Variants in PCCA observed in about 807,000 individuals in gnomAD.
PCCA encodes the protein propionyl-CoA carboxylase alpha chain, mitochondrial.
Under a neutral mutation model 101.3 loss-of-function variants are expected in PCCA, and 74 were observed. The observed-to-expected ratio is 0.73, with a 90% CI of 0.61 to 0.89. PCCA has a LOEUF of 0.89. Ranked by LOEUF, PCCA falls within the 40% of genes least tolerant of loss-of-function variation. The probability of loss-of-function intolerance (pLI) is 0.00; values close to 1 mark genes in which losing one functional copy is unlikely to be tolerated. For missense variants in PCCA, 891 were observed against 907.0 expected (o/e 0.98, Z 0.23); for synonymous variants, 294 against 313.6 (o/e 0.94, Z 0.66).
At chr13:100,405,893 A>G (rs1027890832) in intron 19 of PCCA, among the ~76,000 whole-genome samples, 1 of 149,356 alleles carries the variant, frequency 6.7e-6, no homozygotes, top group Non-Finnish European at 1.5e-5. Flanking sequence ...CAGCCTCCCG[A>G]GTAGCTGGAA....
intron 17 of PCCA, among the ~76,000 whole-genome samples, chr13:100,336,632 A>C (rs1382904063): frequency 2.0e-5 from 3 of 152,204 alleles, no homozygotes; most frequent in African/African-American, 4.8e-5. Context: ...TTCAGTCACA[A>C]ATACTTATAG....
At chr13:100,204,147 C>A (rs893095985) in intron 6 of PCCA, among the ~76,000 whole-genome samples, 1 of 127,398 alleles carries the variant, frequency 7.8e-6, no homozygotes, top group Admixed American at 8.0e-5. Context: ...TTTTTTTTTT[C>A]GAGACAGGGT....
chr13:100,246,964 A>G (rs1044719727), intron 8 of PCCA, among the ~76,000 whole-genome samples: 1 of 150,962 alleles, frequency 6.6e-6, no homozygotes, highest in Non-Finnish European at 1.5e-5. Context: ...GCTAGAGTGC[A>G]ATGGTGCGAT....
intron 20 of PCCA, among the ~76,000 whole-genome samples, chr13:100,440,522 A>G (rs1007152462): frequency 6.6e-6 from 1 of 151,892 alleles, no homozygotes; most frequent in Non-Finnish European, 1.5e-5. Context: ...TTTAATCCTA[A>G]TAACTGTTTA....
chr13:100,524,057 C>T (rs898030561), intron 22 of PCCA, among the ~76,000 whole-genome samples: 6 of 152,206 alleles, frequency 3.9e-5, no homozygotes, highest in African/African-American at 1.4e-4. Flanking sequence ...GCCCAGCTCC[C>T]TGGTGTACCC....
At chr13:100,090,373 T>C in intron 1 of PCCA, among the ~76,000 whole-genome samples, 1 of 152,224 alleles carries the variant, frequency 6.6e-6, no homozygotes. Flanking sequence ...ATTCTGTTCA[T>C]CTGTGTTGGC....
At chr13:100,256,605 T>C (rs928238580) in intron 8 of PCCA, among the ~76,000 whole-genome samples, 2 of 152,138 alleles carry the variant, frequency 1.3e-5, no homozygotes, top group Non-Finnish European at 2.9e-5. Context: ...AAGAGTGATG[T>C]TTTGTGGTTT....
At chr13:100,445,498 G>C (rs1209317033) in intron 20 of PCCA, among the ~76,000 whole-genome samples, 4 of 152,050 alleles carry the variant, frequency 2.6e-5, no homozygotes, top group African/African-American at 9.7e-5. Flanking sequence ...ATTAACTGTG[G>C]TTTCTATATT....
rs1387421310 is a variant in PCCA, at chr13:100,096,772, A to AACATT, written c.106-6110_106-6106dup. Among the ~76,000 whole-genome samples, 3 of 152,378 alleles carry AACATT rather than the reference A, an allele frequency of 2.0e-5. No homozygotes were observed. The East Asian group carries it at 5.8e-4, about 29-fold the overall frequency. ...TTGGATAGAAGATCAAACCAGCCAC[A>AACATT]ACATTTCCTTAAGCCATAGCCTAAT... On this transcript the variant is annotated intron_variant, in intron 1 of 23. Transcript: ENST00000376285.
chr13:100,343,417 A>C (rs1374279384), intron 18 of PCCA, among the ~76,000 whole-genome samples: 1 of 152,242 alleles, frequency 6.6e-6, no homozygotes, highest in East Asian at 1.9e-4. Flanking sequence ...TGGCATATCC[A>C]TACTATGAGC....
chr13:100,530,156 AG>A lies in PCCA; in HGVS notation c.2178del (p.Glu726AspfsTer27). ...GTTGGAGAAGGGGATCTGCTCGTGG[AG>A]CTGGAATGAAGGATTTATAACCTTT... Reference protein sequence around the residue: ...DTVGEGDLLVELE With the variant: ...DTVGEGDLLVXLE On this transcript the variant is annotated frameshift_variant, in exon 24 of 24. Transcript: ENST00000376285. LOFTEE classifies it high-confidence loss of function. 6.2e-7 allele frequency: 1 copy of A among 1,613,352 alleles called. No homozygotes were observed. The highest frequency in any genetic ancestry group is 8.5e-7 in the Non-Finnish European group (1 of 1,179,268).
intron 18 of PCCA, among the ~76,000 whole-genome samples, chr13:100,351,420 C>T (rs1191873011): frequency 1.3e-5 from 2 of 151,962 alleles, no homozygotes; most frequent in African/African-American, 4.8e-5. Context: ...TTTGATTTTT[C>T]AGTATAATGC....
intron 12 of PCCA, among the ~76,000 whole-genome samples, chr13:100,289,556 A>G: frequency 6.6e-6 from 1 of 151,360 alleles, no homozygotes; most frequent in Non-Finnish European, 1.5e-5. Context: ...ATATTTAAAA[A>G]TTTTTTTTCT....
rs1368323340 is a variant in PCCA at position 100,089,338 on chromosome 13, C to T, written c.105+113C>T. 3.9e-6 allele frequency: 5 copies of T among 1,290,632 alleles called. No homozygotes were observed. The Admixed American group carries it at 1.2e-4, about 31-fold the overall frequency. The allele number at this position is 1,290,632 out of a possible 1,614,324, so 79.9% of individuals were successfully genotyped here. A position where few individuals can be genotyped will look rare whatever the true frequency, so the allele number is the denominator to read the frequency against. ...GCTGGGTCCGGCTGCCCCCGCGCCCCGGTTCCGCATCAGCTACACCGCTTG... is the reference window on the plus strand; with the variant it reads ...GCTGGGTCCGGCTGCCCCCGCGCCCTGGTTCCGCATCAGCTACACCGCTTG... On this transcript the variant is annotated intron_variant, in intron 1 of 23. Transcript: ENST00000376285.
rs550623813 is a variant in PCCA, at chr13:100,505,142, A to G, written c.1900-10285A>G. On this transcript the variant is annotated intron_variant, in intron 21 of 23. Coordinates refer to ENST00000376285, the MANE Select transcript of PCCA (RefSeq NM_000282.4). ...TCTGTAAGAGAGGGGCTAAAATAAA[A>G]AAGCCCACCTCATATTGATCACATT... 4.6e-5 allele frequency among the ~76,000 whole-genome samples: 7 copies of G among 152,314 alleles called. 1 individual carries two copies. Among genetic ancestry groups the G allele is most frequent in the African/African-American group, 1.7e-4 (7 of 41,576 alleles).
chr13:100,136,476 C>T (rs966718380), intron 4 of PCCA, among the ~76,000 whole-genome samples: 23 of 152,156 alleles, frequency 1.5e-4, no homozygotes, highest in Admixed American at 7.2e-4. Flanking sequence ...GTGAGCCACG[C>T]GCCCGGCCTA....
chr13:100,501,834 G>A (rs1031395187), intron 21 of PCCA, among the ~76,000 whole-genome samples: 2 of 151,846 alleles, frequency 1.3e-5, no homozygotes, highest in African/African-American at 4.8e-5. Context: ...AGATCGTGCC[G>A]CTGCACTCCA....
At chr13:100,268,812 C>G (rs575046712) in intron 11 of PCCA, 29 bp downstream of exon 11, 1 of 1,482,402 alleles carries the variant, frequency 6.7e-7, no homozygotes, top group African/African-American at 1.4e-5. Context: ...ATTTATAAAG[C>G]GGCTGCTTTT....
intron 21 of PCCA, among the ~76,000 whole-genome samples, chr13:100,486,331 A>G (rs2084369166): frequency 6.6e-6 from 1 of 152,240 alleles, no homozygotes; most frequent in Non-Finnish European, 1.5e-5. Context: ...ACTGAGACCC[A>G]AGTCCACCAT....
Sources: allele counts gnomAD v4.1 joint callset (sites outside exome capture counted in the v4.1 genomes callset), GRCh38; gene constraint gnomAD v4.1.1; transcripts MANE v1.5; gene names NCBI Gene and HGNC (gene_info 2026-07-23, HGNC 2026-07-21).